The following SPAG16 variants were observed in gnomAD, a reference collection of about 807,000 sequenced individuals.
The protein encoded by SPAG16 is sperm-associated antigen 16 protein.
SPAG16 carries 86 observed loss-of-function variants against 80.4 expected under a neutral mutation model. That is an observed-to-expected ratio of 1.07 (90% CI 0.90 to 1.28). The LOEUF (loss-of-function observed/expected upper bound fraction) is 1.28. SPAG16 is among the 50% of genes most tolerant of loss of function. The pLI is 0.00. For synonymous variants in SPAG16, 294 were observed against 265.9 expected (o/e 1.11, Z -1.03); for missense variants, 870 against 765.3 (o/e 1.14, Z -1.61).
rs188683118 is a variant in SPAG16, at chr2:214,368,065, T to A, written c.1721-42075T>A. 3.9e-5 allele frequency among the ~76,000 whole-genome samples: 6 copies of A among 152,282 alleles called. No individual in the cohort carries two copies. The East Asian group carries it at 9.6e-4, about 24-fold the overall frequency. ...GGATCTCAATATTGAGTTTTTCCTA[T>A]CACAGCTTGAACTTTCTATGAAGTC... On this transcript the variant is annotated intron_variant, in intron 15 of 15. Transcript: ENST00000331683.
chr2:214,041,109 C>G (rs1395406330), intron 13 of SPAG16, among the ~76,000 whole-genome samples: 2 of 150,066 alleles, frequency 1.3e-5, no homozygotes, highest in African/African-American at 4.9e-5. Context: ...TGAATATATT[C>G]TTTCTTGGGT....
At chr2:214,195,909 G>T (rs61153369) in intron 15 of SPAG16, among the ~76,000 whole-genome samples, 10,279 of 151,966 alleles carry the variant, frequency 0.068, 432 homozygotes, top group African/African-American at 0.11. Context: ...TATCTTCCAG[G>T]ATCACAGAGA....
chr2:213,923,896 G>A (rs10176858), intron 11 of SPAG16: 89,085 of 152,296 alleles, frequency 0.58, 27,879 homozygotes, highest in South Asian at 0.84. Flanking sequence ...GCAAAAGTGG[G>A]TGGGGTCATG....
intron 10 of SPAG16, among the ~76,000 whole-genome samples, chr2:213,675,306 T>A (rs2064004778): frequency 6.6e-6 from 1 of 152,186 alleles, no homozygotes; most frequent in Non-Finnish European, 1.5e-5. Flanking sequence ...GATGAGTAGG[T>A]TGTGAAAATT....
At chr2:214,144,997 C>T (rs575853530) in intron 14 of SPAG16, among the ~76,000 whole-genome samples, 17 of 151,862 alleles carry the variant, frequency 1.1e-4, no homozygotes, top group Admixed American at 4.6e-4. Context: ...GCACTAGCCC[C>T]GTAATCCTAA....
At chr2:213,863,863 G>A (rs1165033898) in intron 11 of SPAG16, among the ~76,000 whole-genome samples, 1 of 152,020 alleles carries the variant, frequency 6.6e-6, no homozygotes, top group Non-Finnish European at 1.5e-5. Flanking sequence ...ATTAATATGA[G>A]GTGAGATACA....
chr2:214,282,850 C>G (rs1019852931), intron 15 of SPAG16, among the ~76,000 whole-genome samples: 6 of 152,088 alleles, frequency 3.9e-5, no homozygotes, highest in African/African-American at 1.4e-4. Flanking sequence ...ATGTAGGTTT[C>G]TTCAACTTGA....
chr2:213,931,310 T>C (rs758360708), intron 12 of SPAG16, among the ~76,000 whole-genome samples: 17 of 152,170 alleles, frequency 1.1e-4, no homozygotes, highest in Non-Finnish European at 2.2e-4. Context: ...AACATGACTG[T>C]GAATAACATA....
chr2:214,345,160 T>C (rs1224994661), intron 15 of SPAG16, among the ~76,000 whole-genome samples: 1 of 152,270 alleles, frequency 6.6e-6, no homozygotes, highest in East Asian at 1.9e-4. Context: ...CCAGTCTTCC[T>C]AAATGCTTCT....
intron 10 of SPAG16, among the ~76,000 whole-genome samples, chr2:213,609,295 C>G (rs1393722201): frequency 6.6e-6 from 1 of 152,084 alleles, no homozygotes; most frequent in African/African-American, 2.4e-5. Context: ...AACCATTTCA[C>G]TTACTTTTGG....
intron 15 of SPAG16, among the ~76,000 whole-genome samples, chr2:214,365,374 C>T (rs749027372): frequency 4.3e-4 from 66 of 152,156 alleles, no homozygotes; most frequent in Non-Finnish European, 7.2e-4. Flanking sequence ...CTGCTAACAG[C>T]AGCCTTTAAT....
chr2:214,360,788 T>C (rs972383277), intron 15 of SPAG16, among the ~76,000 whole-genome samples: 5 of 151,798 alleles, frequency 3.3e-5, no homozygotes, highest in African/African-American at 1.2e-4. Flanking sequence ...GGCTTACAAA[T>C]TTATTATGTG....
chr2:213,665,468 G>A (rs1194935715), intron 10 of SPAG16, among the ~76,000 whole-genome samples: 3 of 152,060 alleles, frequency 2.0e-5, no homozygotes, highest in Non-Finnish European at 4.4e-5. Flanking sequence ...ATGTTGAATT[G>A]AGGTTTTCCT....
chr2:214,331,274 A>C (rs1397824718), intron 15 of SPAG16, among the ~76,000 whole-genome samples: 2 of 152,154 alleles, frequency 1.3e-5, no homozygotes, highest in African/African-American at 4.8e-5. Flanking sequence ...TATAGCAAAC[A>C]TAGGTAGGTA....
intron 15 of SPAG16, among the ~76,000 whole-genome samples, chr2:214,242,333 C>T (rs954855186): frequency 2.0e-5 from 3 of 152,150 alleles, no homozygotes; most frequent in Non-Finnish European, 4.4e-5. Context: ...CAAGAAGATA[C>T]ATGACACCGC....
chr2:214,311,485 A>T (rs1406877941), intron 15 of SPAG16: 1 of 152,226 alleles, frequency 6.6e-6, no homozygotes, highest in Non-Finnish European at 1.5e-5. Context: ...GGGTTGATTG[A>T]TAGGGGAACC....
At position 213,980,725 on chromosome 2, in the gene SPAG16, T is replaced by TATATATATATATAGAG. The variant is rs374274176; in HGVS notation, c.1401-33225_1401-33224insTATATATATATAGAGA. 7.6e-4 allele frequency among the ~76,000 whole-genome samples: 79 copies of TATATATATATATAGAG among 103,978 alleles called. 2 individuals carry two copies. Among genetic ancestry groups the TATATATATATATAGAG allele is most frequent in the East Asian group, 6.6e-3 (23 of 3,488 alleles). The allele number at this position is 103,978 out of a possible 152,430, so 68.2% of individuals were successfully genotyped here. A position where few individuals can be genotyped will look rare whatever the true frequency, so the allele number is the denominator to read the frequency against. ...GTGTGTGTGTGTGTATATATATATA[T>TATATATATATATAGAG]AGAGAGAGAGAGAGAGAGAGAGAGA... On this transcript the variant is annotated intron_variant, in intron 12 of 15. Coordinates refer to ENST00000331683, the MANE Select transcript of SPAG16 (RefSeq NM_024532.5).
At chr2:214,280,797 G>T in intron 15 of SPAG16, 1 of 452,812 alleles carries the variant, frequency 2.2e-6, no homozygotes. Context: ...AGCAGCATGA[G>T]CTTTCTTATA....
chr2:213,942,924 A>G (rs1300562658), intron 12 of SPAG16, among the ~76,000 whole-genome samples: 1 of 152,210 alleles, frequency 6.6e-6, no homozygotes, highest in Non-Finnish European at 1.5e-5. Context: ...TAATTAGGTC[A>G]TGAAGGTAGA....
Sources: gnomAD v4.1 joint callset for allele counts (sites outside exome capture counted in the v4.1 genomes callset) on GRCh38, gnomAD v4.1.1 for gene constraint, MANE v1.5 for transcripts, NCBI Gene and HGNC (gene_info 2026-07-23, HGNC 2026-07-21) for gene names.